Variants in IQGAP1 observed in about 807,000 individuals in gnomAD.
IQGAP1 encodes ras GTPase-activating-like protein IQGAP1.
A neutral mutation model predicts 215.6 loss-of-function variants in IQGAP1; 66 were observed. That is an observed-to-expected ratio of 0.31 (90% confidence interval 0.25 to 0.38). IQGAP1 has a LOEUF of 0.38. Among genes scored for constraint, IQGAP1 ranks in the 10% least tolerant of loss-of-function variants. The pLI is 1.00. For synonymous variants in IQGAP1, 772 were observed against 728.7 expected (o/e 1.06, Z -0.96); for missense variants, 1,712 against 1,997.1 (o/e 0.86, Z 2.72).
intron 25 of IQGAP1, 101 bp downstream of exon 25, chr15:90,477,331 T>C: frequency 1.0e-6 from 1 of 998,134 alleles, no homozygotes; most frequent in Non-Finnish European, 1.5e-6. Context: ...TCTCAATTAA[T>C]TTATGAAAAA....
rs1167436380 is a variant in IQGAP1 at position 90,474,882 on chromosome 15, T to C, written c.2784+189T>C. 1.8e-5 allele frequency: 10 copies of C among 567,500 alleles called. No homozygotes were observed. The East Asian group carries it at 3.0e-4, about 17-fold the overall frequency. The allele number at this position is 567,500 out of a possible 1,614,324, so 35.2% of individuals were successfully genotyped here. A position where few individuals can be genotyped will look rare whatever the true frequency, so the allele number is the denominator to read the frequency against. ...GGTTGTAGTGCGATGTGATCTCAGC[T>C]CACTGCAACCTCTGCCTCCCAGGTT... On this transcript the variant is annotated intron_variant, in intron 23 of 37. Coordinates refer to ENST00000268182, the MANE Select transcript of IQGAP1 (RefSeq NM_003870.4).
intron 17 of IQGAP1, among the ~76,000 whole-genome samples, chr15:90,466,646 C>G (rs1236273381): frequency 7.0e-6 from 1 of 143,876 alleles, no homozygotes; most frequent in Non-Finnish European, 1.5e-5. Context: ...GGCCAATTTT[C>G]TGAGAATGTG....
chr15:90,389,121 C>T (rs1489039335), intron 1 of IQGAP1, among the ~76,000 whole-genome samples: 2 of 152,086 alleles, frequency 1.3e-5, no homozygotes, highest in African/African-American at 4.8e-5. Context: ...ACATTTCACG[C>T]ATCAACAGTT....
intron 18 of IQGAP1, among the ~76,000 whole-genome samples, chr15:90,469,602 C>T (rs988374671): frequency 3.3e-5 from 5 of 152,164 alleles, no homozygotes; most frequent in African/African-American, 9.7e-5. Context: ...GTTGTGAAAA[C>T]AGCAGACACA....
At chr15:90,419,518 ATATT>A (rs771515609) in intron 2 of IQGAP1, among the ~76,000 whole-genome samples, 1 of 152,190 alleles carries the variant, frequency 6.6e-6, no homozygotes, top group Non-Finnish European at 1.5e-5. Context: ...AAAATATTGA[ATATT>A]TATATTTAAT....
intron 15 of IQGAP1, among the ~76,000 whole-genome samples, chr15:90,459,629 A>G (rs1398985665): frequency 6.6e-6 from 1 of 152,192 alleles, no homozygotes; most frequent in African/African-American, 2.4e-5. Context: ...ATTGCTTAAC[A>G]TTGCCAGGCC....
chr15:90,500,780 C>T lies in IQGAP1; in HGVS notation c.*672C>T, dbSNP rs1250061835. 1 of 152,360 alleles carries T rather than the reference C, an allele frequency of 6.6e-6. No homozygotes were observed. Among genetic ancestry groups the T allele is most frequent in the Non-Finnish European group, 1.5e-5 (1 of 68,014 alleles). 9.4% of individuals were successfully genotyped at this position (152,360 alleles called of 1,614,324 possible). Reference sequence around the variant, plus strand: ...TGGGCAATTCTGTTTGTGTAACTCCCCGACTAGTGGATGGGAGAGTCCCAT... The same window carrying T: ...TGGGCAATTCTGTTTGTGTAACTCCTCGACTAGTGGATGGGAGAGTCCCAT... On this transcript the variant is annotated 3_prime_UTR_variant, in exon 38 of 38. Coordinates refer to ENST00000268182, the MANE Select transcript of IQGAP1 (RefSeq NM_003870.4).
At chr15:90,471,461 CT>C (rs112166517) in intron 18 of IQGAP1, among the ~76,000 whole-genome samples, 29,699 of 151,470 alleles carry the variant, frequency 0.2, 3,983 homozygotes, top group African/African-American at 0.38. Context: ...TGCCATACTA[CT>C]ACTGCTCACA....
At chr15:90,428,424 C>G (rs908955590) in intron 3 of IQGAP1, among the ~76,000 whole-genome samples, 2 of 151,996 alleles carry the variant, frequency 1.3e-5, no homozygotes, top group African/African-American at 4.8e-5. Flanking sequence ...AACTCTGGAG[C>G]TATTCTGTAG....
rs1051521309 is a variant in IQGAP1 at position 90,390,990 on chromosome 15, T to C, written c.155+117T>C. ...GGTCCATGCCTGTAATCCCAACACG[T>C]TGGGAGGCCGAGGTGGGGGGGAATC... is the stretch of plus-strand genomic sequence containing the variant. On this transcript the variant is annotated intron_variant, in intron 2 of 37. Coordinates refer to ENST00000268182, the MANE Select transcript of IQGAP1 (RefSeq NM_003870.4). 7 of 682,666 alleles carry C rather than the reference T, an allele frequency of 1.0e-5. No individual in the cohort carries two copies. The African/African-American group carries it at 1.1e-4, about 11-fold the overall frequency. The allele number at this position is 682,666 out of a possible 1,614,324, so 42.3% of individuals were successfully genotyped here.
chr15:90,391,063 C>T (rs535348308), intron 2 of IQGAP1, 190 bp downstream of exon 2: 174 of 484,570 alleles, frequency 3.6e-4, no homozygotes, highest in Admixed American at 1.6e-3. Context: ...TAGTGACACC[C>T]CATCTCTACA....
At chr15:90,427,514 C>T (rs946657514) in intron 3 of IQGAP1, among the ~76,000 whole-genome samples, 10 of 151,788 alleles carry the variant, frequency 6.6e-5, no homozygotes, top group African/African-American at 1.7e-4. Context: ...TTGAGGCGGG[C>T]GGATCACTTG....
At position 90,493,239 on chromosome 15, in the gene IQGAP1, G is replaced by GA. The variant is rs4031436; in HGVS notation, c.4628+541dup. On this transcript the variant is annotated intron_variant, in intron 35 of 37. Coordinates refer to ENST00000268182, the MANE Select transcript of IQGAP1 (RefSeq NM_003870.4). ...GCCTGGGCGACAGAACAAGACTCTG[G>GA]AAAAAAAAAAAAATCTTCTTGGCCT... is the stretch of plus-strand genomic sequence containing the variant. 7.4e-3 allele frequency among the ~76,000 whole-genome samples: 1,072 copies of GA among 144,710 alleles called. 35 individuals are homozygous for GA. In the East Asian group the frequency reaches 0.087, roughly 12 times the overall value. The allele number at this position is 144,710 out of a possible 152,430, so 94.9% of individuals were successfully genotyped here.
chr15:90,405,289 T>A (rs1964861957), intron 2 of IQGAP1, among the ~76,000 whole-genome samples: 1 of 152,232 alleles, frequency 6.6e-6, no homozygotes, highest in South Asian at 2.1e-4. Context: ...ATGGCTTAAC[T>A]ATCATTTTAG....
At chr15:90,457,915 ATCAGGTAATTCAGCG>A (rs1416840162) in intron 15 of IQGAP1, among the ~76,000 whole-genome samples, 1 of 152,220 alleles carries the variant, frequency 6.6e-6, no homozygotes, top group Non-Finnish European at 1.5e-5. Context: ...TAATTCACGT[ATCAGGTAATTCAGCG>A]TCAGTGGACT....
At chr15:90,454,844 T>C (rs1442963557) in intron 14 of IQGAP1, among the ~76,000 whole-genome samples, 1 of 152,184 alleles carries the variant, frequency 6.6e-6, no homozygotes, top group African/African-American at 2.4e-5. Flanking sequence ...TAGGTTGAAT[T>C]GCACAGGTTG....
At chr15:90,478,028 G>C in intron 26 of IQGAP1, 139 bp downstream of exon 26, 3 of 656,694 alleles carry the variant, frequency 4.6e-6, no homozygotes, top group Non-Finnish European at 7.7e-6. Context: ...TTTCACTCTT[G>C]TCGTCCAGGC....
intron 2 of IQGAP1, among the ~76,000 whole-genome samples, chr15:90,425,812 G>A (rs1339821819): frequency 2.6e-5 from 4 of 152,198 alleles, no homozygotes; most frequent in Non-Finnish European, 5.9e-5. Flanking sequence ...CTGAGGGAAA[G>A]GGTCTGAGGT....
chr15:90,417,964 C>G (rs534535326), intron 2 of IQGAP1, among the ~76,000 whole-genome samples: 2 of 152,250 alleles, frequency 1.3e-5, no homozygotes, highest in South Asian at 4.1e-4. Flanking sequence ...TATTTTTATG[C>G]TGTTCCTTTA....
Sources: allele counts gnomAD v4.1 joint callset (sites outside exome capture counted in the v4.1 genomes callset), GRCh38; gene constraint gnomAD v4.1.1; transcripts MANE v1.5; gene names NCBI Gene and HGNC (gene_info 2026-07-23, HGNC 2026-07-21).